The following RCBTB2 variants were observed in gnomAD, a reference collection of about 807,000 sequenced individuals.
RCBTB2 encodes RCC1 and BTB domain-containing protein 2.
A neutral mutation model predicts 65.4 loss-of-function variants in RCBTB2; 55 were observed. The observed-to-expected ratio is 0.84, with a 90% confidence interval of 0.68 to 1.05. RCBTB2 has a LOEUF of 1.05. RCBTB2 is among the 50% of genes least tolerant of loss of function. RCBTB2 has a pLI of 0.00. For synonymous variants in RCBTB2, 220 were observed against 255.2 expected (o/e 0.86, Z 1.31); for missense variants, 599 against 680.1 (o/e 0.88, Z 1.33).
At chr13:48,500,527 C>T (rs1053437827) in intron 12 of RCBTB2, among the ~76,000 whole-genome samples, 3 of 152,138 alleles carry the variant, frequency 2.0e-5, no homozygotes, top group Non-Finnish European at 2.9e-5. Context: ...CACTGCACTC[C>T]AGCCTGGGCA....
intron 1 of RCBTB2, among the ~76,000 whole-genome samples, chr13:48,527,745 T>C (rs1951886839): frequency 6.6e-6 from 1 of 152,188 alleles, no homozygotes; most frequent in East Asian, 1.9e-4. Context: ...GTATCCCTGT[T>C]TGGGGCAGAT....
At chr13:48,511,424 G>A (rs951714881) in intron 9 of RCBTB2, among the ~76,000 whole-genome samples, 4 of 152,008 alleles carry the variant, frequency 2.6e-5, no homozygotes, top group Non-Finnish European at 5.9e-5. Flanking sequence ...ATATGTATAT[G>A]TATCTTCTTA....
At chr13:48,504,184 A>G (rs947178320) in intron 10 of RCBTB2, 1 of 985,286 alleles carries the variant, frequency 1.0e-6, no homozygotes, top group African/African-American at 1.7e-5. Flanking sequence ...ACAGCCTCCC[A>G]GGTCTCCCTT....
intron 1 of RCBTB2, 177 bp downstream of exon 1, chr13:48,532,851 C>T (rs1952243845): frequency 2.7e-6 from 1 of 374,662 alleles, no homozygotes; most frequent in South Asian, 1.9e-5. Flanking sequence ...TGCGCGACGA[C>T]GCCTAGGCCT....
intron 1 of RCBTB2, 159 bp downstream of exon 1, chr13:48,532,869 G>A (rs189122870): frequency 1.3e-5 from 5 of 390,832 alleles, no homozygotes; most frequent in East Asian, 8.7e-5. Flanking sequence ...CCTGTGGCAC[G>A]GTCGCGGCTC....
At chr13:48,509,419 T>C (rs1490509982) in intron 10 of RCBTB2, among the ~76,000 whole-genome samples, 1 of 152,232 alleles carries the variant, frequency 6.6e-6, no homozygotes, top group East Asian at 1.9e-4. Flanking sequence ...TTTTTCAGTT[T>C]AAATGTTAAG....
At position 48,521,836 on chromosome 13, in the gene RCBTB2, T is replaced by C. The variant is rs142002915; in HGVS notation, c.42+62A>G. 4.3e-5 allele frequency: 65 copies of C among 1,499,192 alleles called. 2 individuals carry two copies. The East Asian group carries it at 1.4e-3, about 33-fold the overall frequency. The allele number at this position is 1,499,192 out of a possible 1,614,324, so 92.9% of individuals were successfully genotyped here. A position where few individuals can be genotyped will look rare whatever the true frequency, so the allele number is the denominator to read the frequency against. ...TTTCCTATCGGTGACCAATAGGTGC[T>C]TCATGAAGTATGTTTCATGCAACAG... On this transcript the variant is annotated intron_variant, in intron 4 of 14. Coordinates refer to ENST00000344532, the MANE Select transcript of RCBTB2 (RefSeq NM_001268.4).
At chr13:48,490,600 T>G (rs1034020871) in intron 14 of RCBTB2, among the ~76,000 whole-genome samples, 2 of 152,204 alleles carry the variant, frequency 1.3e-5, no homozygotes, top group Non-Finnish European at 2.9e-5. Context: ...TTTCAATAAT[T>G]GTTAAAAGCC....
At chr13:48,507,175 TG>T (rs547015352) in intron 10 of RCBTB2, among the ~76,000 whole-genome samples, 2 of 152,268 alleles carry the variant, frequency 1.3e-5, no homozygotes, top group South Asian at 4.1e-4. Flanking sequence ...CGGCTCCACA[TG>T]GGAAGTCAGG....
At chr13:48,525,373 GATATATATATATATAT>G (rs59350616) in intron 1 of RCBTB2, among the ~76,000 whole-genome samples, 1,991 of 54,534 alleles carry the variant, frequency 0.037, 51 homozygotes, top group African/African-American at 0.077. Context: ...AAGGATTCAT[GATATATATATATATAT>G]ATATATATAT....
At chr13:48,502,315 A>G (rs1254531533) in intron 11 of RCBTB2, among the ~76,000 whole-genome samples, 1 of 152,046 alleles carries the variant, frequency 6.6e-6, no homozygotes, top group Non-Finnish European at 1.5e-5. Flanking sequence ...ACACAGAGAG[A>G]CCCCACCTCC....
Position 48,502,928 on chromosome 13 carries a change from C to A in RCBTB2, c.927-14G>T. The stretch of plus-strand genomic sequence containing the variant: ...ATCTCGATAATCCTAAATTCACAAA[C>A]ACACACCACATAAGCACAGTGACCG... On this transcript the variant is annotated splice_polypyrimidine_tract_variant and intron_variant, in intron 10 of 14. Transcript: ENST00000344532. 1 of 1,595,512 alleles carries A rather than the reference C, an allele frequency of 6.3e-7. No homozygotes were observed. Among genetic ancestry groups the A allele is most frequent in the Non-Finnish European group, 8.5e-7 (1 of 1,170,594 alleles).
chr13:48,498,448 C>T (rs760120202), intron 13 of RCBTB2, among the ~76,000 whole-genome samples: 8 of 152,016 alleles, frequency 5.3e-5, no homozygotes, highest in Admixed American at 2.6e-4. Flanking sequence ...CTGCCACTCG[C>T]GGCCGGGCGC....
rs1566337395 is a variant in RCBTB2, at chr13:48,527,356, T to TATG, written c.-218-2600_-218-2599insCAT. Among the ~76,000 whole-genome samples, 12 of 109,286 alleles carry TATG rather than the reference T, an allele frequency of 1.1e-4. 1 individual carries two copies. The highest frequency in any genetic ancestry group is 1.0e-3 in the African/African-American group (12 of 11,626). 71.7% of individuals were successfully genotyped at this position (109,286 alleles called of 152,430 possible). A position where few individuals can be genotyped will look rare whatever the true frequency, so the allele number is the denominator to read the frequency against. Reference sequence around the variant, plus strand: ...ATATATGATATATATATATATGATATATATTTATATATGATATATATATAT... The same window carrying TATG: ...ATATATGATATATATATATATGATATATGATATTTATATATGATATATATATAT... On this transcript the variant is annotated intron_variant, in intron 1 of 14. Transcript: ENST00000344532.
At chr13:48,490,353 T>A in intron 14 of RCBTB2, 102 bp from the exon 15 acceptor site, 1 of 950,386 alleles carries the variant, frequency 1.1e-6, no homozygotes, top group Non-Finnish European at 1.6e-6. Context: ...AAAAAGGATT[T>A]AATAGGCAAG....
At position 48,517,248 on chromosome 13, in the gene RCBTB2, T is replaced by C. The variant is rs115238924; in HGVS notation, c.43-1507A>G. ...ACAGAGACCGAGTCTTTCACCACCATGTCATCCATCCCTTGAAAGGAGCTA... is the reference window on the plus strand; with the variant it reads ...ACAGAGACCGAGTCTTTCACCACCACGTCATCCATCCCTTGAAAGGAGCTA... On this transcript the variant is annotated intron_variant, in intron 4 of 14. Transcript: ENST00000344532. Among the ~76,000 whole-genome samples the C allele has an allele frequency of 9.8e-3, 1,499 of 152,304 alleles. 34 individuals are homozygous for C. The highest frequency in any genetic ancestry group is 0.034 in the African/African-American group (1,421 of 41,552).
intron 4 of RCBTB2, 71 bp from the exon 5 acceptor site, chr13:48,515,812 A>T: frequency 6.9e-7 from 1 of 1,454,630 alleles, no homozygotes; most frequent in East Asian, 2.3e-5. Context: ...TCAGTTCTGT[A>T]GAAGAGGGCG....
Position 48,493,313 on chromosome 13 carries a change from A to ACTCTCTCTCTCTCTCTCTCTCTCT in RCBTB2, c.1515+2877_1515+2878insAGAGAGAGAGAGAGAGAGAGAGAG, listed in dbSNP as rs1213235186. ...TCCACACACACACACACACACACAC[A>ACTCTCTCTCTCTCTCTCTCTCTCT]CACTCTCTCTCTCTCTCTCTCTCTC... is the stretch of plus-strand genomic sequence containing the variant. On this transcript the variant is annotated intron_variant, in intron 14 of 14. Coordinates refer to ENST00000344532, the MANE Select transcript of RCBTB2 (RefSeq NM_001268.4). 1.0e-4 allele frequency among the ~76,000 whole-genome samples: 6 copies of ACTCTCTCTCTCTCTCTCTCTCTCT among 60,144 alleles called. No individual in the cohort carries two copies. The East Asian group carries it at 1.8e-3, about 18-fold the overall frequency. 39.5% of individuals were successfully genotyped at this position (60,144 alleles called of 152,430 possible).
At chr13:48,520,734 A>G (rs541519153) in intron 4 of RCBTB2, among the ~76,000 whole-genome samples, 1 of 152,336 alleles carries the variant, frequency 6.6e-6, no homozygotes, top group Admixed American at 6.5e-5. Flanking sequence ...AATCGAGTGT[A>G]TAACCAAACT....
Sources: gnomAD v4.1 joint callset for allele counts (sites outside exome capture counted in the v4.1 genomes callset) on GRCh38, gnomAD v4.1.1 for gene constraint, MANE v1.5 for transcripts, NCBI Gene and HGNC (gene_info 2026-07-23, HGNC 2026-07-21) for gene names.